The following PRH1 variants were observed in gnomAD, a reference collection of about 807,000 sequenced individuals.
PRH1 encodes salivary acidic proline-rich phosphoprotein 1/2.
Under a neutral mutation model 7.9 loss-of-function variants are expected in PRH1, and 7 were observed. That is an observed-to-expected ratio of 0.89 (90% CI 0.50 to 1.67). PRH1 has a LOEUF of 1.67. Ranked by LOEUF, PRH1 falls within the 40% of genes most tolerant of loss-of-function variation. The pLI is 0.00. For missense variants in PRH1, 109 were observed against 223.6 expected (o/e 0.49, Z 3.27); for synonymous variants, 45 against 80.8 (o/e 0.56, Z 2.38).
At chr12:11,068,971 C>T (rs60206562) in intron 1 of PRH1, among the ~76,000 whole-genome samples, 1 of 120,502 alleles carries the variant, frequency 8.3e-6, no homozygotes, top group Non-Finnish European at 1.8e-5. Flanking sequence ...GCAGTGGTTT[C>T]GGATTGGCTC....
chr12:10,978,913 AAAC>A, intron 1 of PRH1, among the ~76,000 whole-genome samples: 1 of 148,424 alleles, frequency 6.7e-6, no homozygotes, highest in Non-Finnish European at 1.5e-5. Flanking sequence ...ACAAACAAAC[AAAC>A]AAACAAACAA....
intron 1 of PRH1, among the ~76,000 whole-genome samples, chr12:11,027,963 G>A (rs1189773370): frequency 6.6e-6 from 1 of 152,232 alleles, no homozygotes; most frequent in Non-Finnish European, 1.5e-5. Flanking sequence ...GACGTCATAT[G>A]CTCATAAAGC....
At chr12:11,013,065 C>T (rs1461054510) in intron 1 of PRH1, among the ~76,000 whole-genome samples, 1 of 152,116 alleles carries the variant, frequency 6.6e-6, no homozygotes, top group Non-Finnish European at 1.5e-5. Context: ...CAATCCCTAT[C>T]AAATCCCAAC....
rs752042990 is a variant in PRH1 at position 10,986,647 on chromosome 12, T to C, written c.-125-12926A>G. 36 of 1,613,120 alleles carry C rather than the reference T, an allele frequency of 2.2e-5. No individual in the cohort carries two copies. In the South Asian group the frequency reaches 4.0e-4, roughly 18 times the overall value. On this transcript the variant is annotated intron_variant, in intron 1 of 3. Transcript: ENST00000539853. The stretch of plus-strand genomic sequence containing the variant: ...AATTCTACACTATAAAAAGCTGGAT[T>C]CAACACAGTTAAATACCAATTTAAT...
At position 11,047,073 on chromosome 12, in the gene PRH1, A is replaced by G. The variant is rs577685999; in HGVS notation, c.-179T>C. 4.3e-4 allele frequency: 215 copies of G among 499,420 alleles called. 1 individual carries two copies. In the East Asian group the frequency reaches 9.6e-3, roughly 22 times the overall value. 30.9% of individuals were successfully genotyped at this position (499,420 alleles called of 1,614,324 possible). A position where few individuals can be genotyped will look rare whatever the true frequency, so the allele number is the denominator to read the frequency against. ...CTCCACATCCAAACTAGCCTTCATGATGTGTTAAGTAAATGTTCTGTCACA... is the reference window on the plus strand; with the variant it reads ...CTCCACATCCAAACTAGCCTTCATGGTGTGTTAAGTAAATGTTCTGTCACA... On this transcript the variant is annotated 5_prime_UTR_variant, in exon 1 of 4. Coordinates refer to the PRH1 transcript ENST00000539853.
intron 1 of PRH1, among the ~76,000 whole-genome samples, chr12:10,990,956 G>A (rs10845268): frequency 2.6e-5 from 4 of 152,012 alleles, no homozygotes; most frequent in Admixed American, 6.6e-5. Context: ...AAGAAACAAC[G>A]CTGGAGACTA....
chr12:10,968,546 G>A (rs1354113533), intron 2 of PRH1, among the ~76,000 whole-genome samples: 2 of 152,164 alleles, frequency 1.3e-5, no homozygotes, highest in Non-Finnish European at 2.9e-5. Flanking sequence ...CTTTCTCCTG[G>A]CTTTATGATT....
At chr12:10,923,961 A>G (rs866041918) in intron 2 of PRH1, among the ~76,000 whole-genome samples, 1 of 141,352 alleles carries the variant, frequency 7.1e-6, no homozygotes, top group Non-Finnish European at 1.6e-5. Context: ...GATTAAAGTG[A>G]TAAGTTCTTT....
intron 1 of PRH1, among the ~76,000 whole-genome samples, chr12:10,978,171 G>A (rs1274004195): frequency 2.0e-5 from 3 of 150,970 alleles, no homozygotes; most frequent in Non-Finnish European, 2.9e-5. Flanking sequence ...GAACCACACT[G>A]CAAGGCAACA....
chr12:10,961,141 A>G (rs1938217151), intron 2 of PRH1, among the ~76,000 whole-genome samples: 1 of 152,222 alleles, frequency 6.6e-6, no homozygotes, highest in Non-Finnish European at 1.5e-5. Context: ...AGTGGGCATT[A>G]CAGGACTCTG....
At chr12:11,044,538 C>T (rs1203723236) in intron 1 of PRH1, among the ~76,000 whole-genome samples, 1 of 151,890 alleles carries the variant, frequency 6.6e-6, no homozygotes, top group East Asian at 1.9e-4. Context: ...TTGCAAACTA[C>T]TCATCTCACA....
At chr12:11,062,772 C>T (rs1943667344) in intron 1 of PRH1, among the ~76,000 whole-genome samples, 1 of 152,088 alleles carries the variant, frequency 6.6e-6, no homozygotes, top group African/African-American at 2.4e-5. Flanking sequence ...GGAGCTTGGT[C>T]ATAATTAAGT....
chr12:10,938,082 T>C (rs1243085931), intron 2 of PRH1: 1 of 534,062 alleles, frequency 1.9e-6, no homozygotes, highest in Non-Finnish European at 3.3e-6. Context: ...CTTCTCTGTA[T>C]GGTAATATAC....
At chr12:10,962,499 T>C (rs1938285742) in intron 2 of PRH1, among the ~76,000 whole-genome samples, 1 of 152,194 alleles carries the variant, frequency 6.6e-6, no homozygotes, top group South Asian at 2.1e-4. Flanking sequence ...ATATTTCCCC[T>C]GCAAGTATGG....
chr12:11,033,878 T>C (rs1259866561), intron 1 of PRH1, among the ~76,000 whole-genome samples: 2 of 152,302 alleles, frequency 1.3e-5, no homozygotes, highest in African/African-American at 4.8e-5. Flanking sequence ...AATACCACAG[T>C]GTATCATAAA....
At chr12:11,084,435 T>C (rs1327734914) in intron 1 of PRH1, among the ~76,000 whole-genome samples, 2 of 122,322 alleles carry the variant, frequency 1.6e-5, no homozygotes, top group African/African-American at 6.1e-5. Context: ...GTGATATGCA[T>C]GTGTGTCTAT....
intron 2 of PRH1, among the ~76,000 whole-genome samples, chr12:10,920,652 C>T (rs1950033453): frequency 6.6e-6 from 1 of 151,834 alleles, no homozygotes; most frequent in Admixed American, 6.6e-5. Flanking sequence ...AAAAGTTTTC[C>T]TGTTGATTTT....
chr12:11,127,982 C>T (rs925011445), intron 1 of PRH1, among the ~76,000 whole-genome samples: 7 of 151,792 alleles, frequency 4.6e-5, no homozygotes, highest in Non-Finnish European at 8.8e-5. Flanking sequence ...TGGTGGCAGG[C>T]GCCTGTAGTC....
chr12:10,914,795 T>C (rs1025689814), intron 2 of PRH1, among the ~76,000 whole-genome samples: 6 of 152,188 alleles, frequency 3.9e-5, no homozygotes, highest in Non-Finnish European at 8.8e-5. Flanking sequence ...GGCAACTGCT[T>C]CTCAACACTG....
Sources: allele counts gnomAD v4.1 joint callset (sites outside exome capture counted in the v4.1 genomes callset), GRCh38; gene constraint gnomAD v4.1.1; transcripts MANE v1.5; gene names NCBI Gene and HGNC (gene_info 2026-07-23, HGNC 2026-07-21).